The following PARG variants were observed in gnomAD, a reference collection of about 807,000 sequenced individuals.
PARG encodes poly(ADP-ribose) glycohydrolase.
Under a neutral mutation model 113.0 loss-of-function variants are expected in PARG, and 35 were observed. The ratio of observed to expected loss-of-function variants is 0.31; its 90% CI spans 0.24 to 0.41. The LOEUF (loss-of-function observed/expected upper bound fraction) is 0.41, where lower values mean the gene tolerates loss of function less well. Ranked by LOEUF, PARG falls within the 10% of genes least tolerant of loss-of-function variation. PARG has a pLI of 1.00. For missense variants in PARG, 797 were observed against 1,169.4 expected (o/e 0.68, Z 4.64); for synonymous variants, 330 against 409.9 (o/e 0.81, Z 2.36).
At chr10:49,930,089 G>A (rs1320105852) in intron 4 of PARG, among the ~76,000 whole-genome samples, 2 of 152,192 alleles carry the variant, frequency 1.3e-5, no homozygotes, top group African/African-American at 2.4e-5. Context: ...CTCTTCAGAT[G>A]AATGGTAGCA....
intron 7 of PARG, among the ~76,000 whole-genome samples, chr10:49,891,590 C>CATATATAT (rs1211471476): frequency 5.6e-4 from 27 of 48,618 alleles, no homozygotes; most frequent in African/African-American, 2.1e-3. Context: ...TCCTATGGTC[C>CATATATAT]ATATATATAT....
intron 8 of PARG, among the ~76,000 whole-genome samples, chr10:49,880,262 A>G (rs1276947850): frequency 2.0e-5 from 3 of 152,254 alleles, no homozygotes; most frequent in Non-Finnish European, 2.9e-5. Context: ...AAAATGATCT[A>G]AGATAATTCA....
At chr10:49,860,154 A>G (rs1554835687) in intron 12 of PARG, among the ~76,000 whole-genome samples, 4 of 152,358 alleles carry the variant, frequency 2.6e-5, no homozygotes, top group African/African-American at 9.6e-5. Context: ...AGAACAATTA[A>G]TAGCAAGAAG....
chr10:49,892,248 T>C (rs1847844572), intron 7 of PARG, among the ~76,000 whole-genome samples: 1 of 152,202 alleles, frequency 6.6e-6, no homozygotes, highest in South Asian at 2.1e-4. Flanking sequence ...AAATGTCATG[T>C]ATTTTCACTG....
intron 15 of PARG, among the ~76,000 whole-genome samples, chr10:49,836,353 A>G (rs1554831113): frequency 9.5e-6 from 1 of 105,534 alleles, no homozygotes; most frequent in Admixed American, 1.5e-4. Context: ...GGCTGGGTTC[A>G]GTGGTGTGAT....
intron 10 of PARG, among the ~76,000 whole-genome samples, chr10:49,868,589 T>C (rs1554837335): frequency 2.0e-5 from 3 of 152,150 alleles, no homozygotes. Flanking sequence ...GACCTTAAAA[T>C]GATTCAAAGA....
intron 15 of PARG, 27 bp from the exon 16 acceptor site, chr10:49,832,935 CTGTGAGTGCCT>C: frequency 8.4e-7 from 1 of 1,188,678 alleles, no homozygotes; most frequent in Non-Finnish European, 1.2e-6. Flanking sequence ...TTATCAAAGC[CTGTGAGTGCCT>C]AGACACTAAC....
At chr10:49,920,463 A>AAAAAT (rs1431747248) in intron 6 of PARG, among the ~76,000 whole-genome samples, 11 of 47,978 alleles carry the variant, frequency 2.3e-4, no homozygotes, top group African/African-American at 5.0e-4. Context: ...AAAAAAAAAA[A>AAAAAT]ATATATATAT....
chr10:49,891,013 C>T (rs2132682026), intron 7 of PARG, among the ~76,000 whole-genome samples: 1 of 152,294 alleles, frequency 6.6e-6, no homozygotes, highest in South Asian at 2.1e-4. Context: ...TTAGGGCAAA[C>T]AGCTTTAAAA....
intron 16 of PARG, among the ~76,000 whole-genome samples, chr10:49,821,119 A>C (rs1182200653): frequency 6.6e-6 from 1 of 152,108 alleles, no homozygotes; most frequent in Non-Finnish European, 1.5e-5. Flanking sequence ...CGTTCTGCAG[A>C]GTTCCTGAAA....
chr10:49,915,265 A>G (rs1458206348), intron 7 of PARG, among the ~76,000 whole-genome samples: 3 of 151,956 alleles, frequency 2.0e-5, no homozygotes, highest in Admixed American at 2.0e-4. Flanking sequence ...AAATATACAA[A>G]GAATGCCTAA....
intron 7 of PARG, among the ~76,000 whole-genome samples, chr10:49,914,312 G>A (rs569765460): frequency 5.3e-5 from 8 of 152,284 alleles, no homozygotes; most frequent in Non-Finnish European, 8.8e-5. Flanking sequence ...CAAGGATAAC[G>A]ATTATATCGG....
intron 15 of PARG, among the ~76,000 whole-genome samples, chr10:49,839,234 G>A (rs1448465271): frequency 6.6e-6 from 1 of 152,036 alleles, no homozygotes; most frequent in Non-Finnish European, 1.5e-5. Context: ...CTACTTGGGA[G>A]GCTGAAGCAG....
chr10:49,939,911 G>C (rs1212992836), intron 1 of PARG, among the ~76,000 whole-genome samples: 5 of 152,108 alleles, frequency 3.3e-5, no homozygotes, highest in Non-Finnish European at 7.3e-5. Flanking sequence ...CACTGTTAAC[G>C]AATGCATCCT....
intron 13 of PARG, among the ~76,000 whole-genome samples, chr10:49,848,205 T>C (rs1845599614): frequency 7.1e-6 from 1 of 141,654 alleles, no homozygotes; most frequent in Admixed American, 7.1e-5. Flanking sequence ...AAAAATTATC[T>C]GGGCGTGGTG....
intron 4 of PARG, among the ~76,000 whole-genome samples, chr10:49,925,485 T>C (rs367543583): frequency 2.6e-5 from 4 of 152,340 alleles, no homozygotes; most frequent in South Asian, 2.1e-4. Context: ...CATGTATTGA[T>C]TGACGTCTTA....
chr10:49,925,093 T>C lies in PARG; in HGVS notation c.1456-2424A>G, dbSNP rs536129706. On this transcript the variant is annotated intron_variant, in intron 4 of 17. Transcript: ENST00000616448. ...TTATGAGAATCTAACAAATGCCTGA[T>C]GATCTGAGGTGGAACAGTTTCATTC... 5.6e-4 allele frequency among the ~76,000 whole-genome samples: 85 copies of C among 152,290 alleles called. 1 individual carries two copies. Among genetic ancestry groups the C allele is most frequent in the Admixed American group, 4.8e-3 (73 of 15,296 alleles).
At chr10:49,889,161 T>A (rs1847647272) in intron 7 of PARG, among the ~76,000 whole-genome samples, 1 of 151,642 alleles carries the variant, frequency 6.6e-6, no homozygotes, top group Admixed American at 6.6e-5. Flanking sequence ...AAAATAATTG[T>A]CAGACAATTC....
chr10:49,835,873 T>A (rs1844894981), intron 15 of PARG, among the ~76,000 whole-genome samples: 2 of 152,114 alleles, frequency 1.3e-5, no homozygotes, highest in African/African-American at 4.8e-5. Flanking sequence ...GATGGTCCCA[T>A]AAGATTATTA....
Sources: gnomAD v4.1 joint callset for allele counts (sites outside exome capture counted in the v4.1 genomes callset) on GRCh38, gnomAD v4.1.1 for gene constraint, MANE v1.5 for transcripts, NCBI Gene and HGNC (gene_info 2026-07-23, HGNC 2026-07-21) for gene names.